Variants in DNAH6 observed in about 807,000 individuals in gnomAD.
DNAH6 encodes dynein axonemal heavy chain 6.
DNAH6 carries 340 observed loss-of-function variants against 491.4 expected under a neutral mutation model. That is an observed-to-expected ratio of 0.69 (90% CI 0.63 to 0.76). DNAH6 has a LOEUF of 0.76. DNAH6 is among the 30% of genes least tolerant of loss of function. The pLI is 0.00. For missense variants in DNAH6, 4,443 were observed against 4,972.2 expected (o/e 0.89, Z 3.20); for synonymous variants, 1,603 against 1,686.1 (o/e 0.95, Z 1.21).
At chr2:84,500,768 A>C in the DNAH6 span, among the ~76,000 whole-genome samples, 1 of 152,088 alleles carries the variant, frequency 6.6e-6, no homozygotes, top group South Asian at 2.1e-4. Context: ...ATTCCTAGGG[A>C]ATTAATTTAT....
intron 34 of DNAH6, among the ~76,000 whole-genome samples, chr2:84,654,259 G>A (rs1247063630): frequency 6.6e-6 from 1 of 152,132 alleles, no homozygotes; most frequent in Non-Finnish European, 1.5e-5. Flanking sequence ...GGAGAGGAAT[G>A]TGGACCAAGT....
At position 84,686,262 on chromosome 2, in the gene DNAH6, A is replaced by G. The variant is rs537434280; in HGVS notation, c.7064-222A>G. 2.0e-5 allele frequency among the ~76,000 whole-genome samples: 3 copies of G among 152,326 alleles called. No individual in the cohort carries two copies. The South Asian group carries it at 6.2e-4, about 32-fold the overall frequency. On this transcript the variant is annotated intron_variant, in intron 43 of 76. Coordinates refer to ENST00000389394, the MANE Select transcript of DNAH6 (RefSeq NM_001370.2). ...ATAAGTATCCAATATTCATTATTTAACAAATGTTTTAAATTCTTTGTTAAG... is the reference window on the plus strand; with the variant it reads ...ATAAGTATCCAATATTCATTATTTAGCAAATGTTTTAAATTCTTTGTTAAG...
chr2:84,745,889 T>C (rs1438438891), intron 63 of DNAH6, among the ~76,000 whole-genome samples: 3 of 151,888 alleles, frequency 2.0e-5, no homozygotes, highest in Admixed American at 1.3e-4. Context: ...GAGGAGACAT[T>C]TGAAGGGTAC....
At chr2:84,579,785 A>G (rs1362215525) in intron 14 of DNAH6, 106 bp downstream of exon 14, 3 of 950,206 alleles carry the variant, frequency 3.2e-6, no homozygotes, top group East Asian at 5.3e-5. Flanking sequence ...CAGCTGTCAA[A>G]TATCAGAAAC....
At chr2:84,514,600 A>G (rs950545394), upstream of DNAH6, among the ~76,000 whole-genome samples, 2 of 152,218 alleles carry the variant, frequency 1.3e-5, no homozygotes, top group African/African-American at 4.8e-5. Flanking sequence ...GTACTTAAGA[A>G]AATGAATGGG....
intron 3 of DNAH6, among the ~76,000 whole-genome samples, chr2:84,526,896 A>G (rs920331539): frequency 6.6e-6 from 1 of 152,122 alleles, no homozygotes; most frequent in African/African-American, 2.4e-5. Context: ...AGAAAAGGAG[A>G]GAACGTGTAT....
chr2:84,500,460 A>G, the DNAH6 span, among the ~76,000 whole-genome samples: 3 of 152,156 alleles, frequency 2.0e-5, no homozygotes, highest in Non-Finnish European at 2.9e-5. Flanking sequence ...AAGTCAGGTA[A>G]TGTGATTCCT....
At chr2:84,667,222 G>A (rs567633536) in intron 37 of DNAH6, among the ~76,000 whole-genome samples, 1 of 152,130 alleles carries the variant, frequency 6.6e-6, no homozygotes, top group East Asian at 1.9e-4. Context: ...CAAAAGCAAT[G>A]GCAACAAAAG....
intron 46 of DNAH6, among the ~76,000 whole-genome samples, chr2:84,695,181 A>G (rs1307789816): frequency 6.6e-6 from 1 of 152,192 alleles, no homozygotes; most frequent in Non-Finnish European, 1.5e-5. Flanking sequence ...AGTCAAGCAC[A>G]TCTATAGAAG....
the DNAH6 span, among the ~76,000 whole-genome samples, chr2:84,506,578 T>C: frequency 1.3e-5 from 2 of 152,236 alleles, no homozygotes; most frequent in Admixed American, 6.5e-5. Context: ...TTTACTTAGA[T>C]CTCATTTGTC....
intron 62 of DNAH6, among the ~76,000 whole-genome samples, chr2:84,741,993 G>C (rs140366223): frequency 1.3e-5 from 2 of 152,188 alleles, no homozygotes; most frequent in Non-Finnish European, 2.9e-5. Context: ...TCCTGGCTGC[G>C]CAAGCTAACT....
chr2:84,511,013 C>A, the DNAH6 span, among the ~76,000 whole-genome samples: 13 of 152,154 alleles, frequency 8.5e-5, no homozygotes, highest in African/African-American at 3.1e-4. Context: ...TTGGGCTACT[C>A]GGGGGTCAGG....
At chr2:84,781,191 G>A (rs754505696) in intron 64 of DNAH6, among the ~76,000 whole-genome samples, 7 of 152,164 alleles carry the variant, frequency 4.6e-5, no homozygotes, top group East Asian at 1.9e-4. Context: ...AAATCATTGC[G>A]GTGGAGAGAG....
At chr2:84,631,545 A>G (rs1688395868) in intron 29 of DNAH6, among the ~76,000 whole-genome samples, 1 of 152,204 alleles carries the variant, frequency 6.6e-6, no homozygotes, top group Non-Finnish European at 1.5e-5. Context: ...GCCCTAATCC[A>G]ATAACTAACT....
chr2:84,805,520 T>C, intron 70 of DNAH6, 145 bp from the exon 71 acceptor site: 1 of 687,116 alleles, frequency 1.5e-6, no homozygotes, highest in Non-Finnish European at 2.2e-6. Context: ...CTCATGTTAA[T>C]TGTTCTTACC....
At chr2:84,582,654 G>A (rs985246198) in intron 14 of DNAH6, among the ~76,000 whole-genome samples, 1 of 151,984 alleles carries the variant, frequency 6.6e-6, no homozygotes. Context: ...GGGTTTCACC[G>A]TGTTAGCCAG....
Position 84,552,937 on chromosome 2 carries a change from A to G in DNAH6, c.1505A>G (p.Lys502Arg), listed in dbSNP as rs1558701513. 6.2e-7 allele frequency: 1 copy of G among 1,610,754 alleles called. No homozygotes were observed. Among genetic ancestry groups the G allele is most frequent in the Non-Finnish European group, 8.5e-7 (1 of 1,178,050 alleles). The change falls in exon 10 of 77, where the codon AAG (lysine) becomes AGG (arginine). Residue 502 changes from lysine to arginine, a missense_variant. Lys to Arg is a conservative substitution (Grantham distance 26). Around this residue, in one of 3 missense-constraint regions of DNAH6, gnomAD observed 2,977 missense variants for 3,296.6 expected, o/e 0.90. Transcript: ENST00000389394. ...PDKKGTLMVE[K>R]QEEDESLIPM... The stretch of plus-strand genomic sequence containing the variant: ...TTTCAGGGGACCCTTATGGTGGAAA[A>G]GCAAGAAGAAGATGAATCTCTCATC...
chr2:84,686,129 G>A (rs749262008), intron 43 of DNAH6, among the ~76,000 whole-genome samples: 38 of 151,698 alleles, frequency 2.5e-4, no homozygotes, highest in Non-Finnish European at 5.6e-4. Flanking sequence ...CGGAGGTTGC[G>A]GTGAGCCGAG....
the DNAH6 span, among the ~76,000 whole-genome samples, chr2:84,494,674 A>G: frequency 1.3e-5 from 2 of 152,258 alleles, no homozygotes; most frequent in Non-Finnish European, 2.9e-5. Context: ...GAACTTTCTG[A>G]AAATTAGAAC....
Sources: gnomAD v4.1 joint callset for allele counts (sites outside exome capture counted in the v4.1 genomes callset) on GRCh38, gnomAD v4.1.1 for gene constraint, gnomAD v4.1.1 regional missense constraint, MANE v1.5 for transcripts, NCBI Gene and HGNC (gene_info 2026-07-23, HGNC 2026-07-21) for gene names.